The following PCDH15 variants were observed in gnomAD, a reference collection of about 807,000 sequenced individuals.
The protein encoded by PCDH15 is protocadherin related 15.
In PCDH15, 129 loss-of-function variants were observed where a neutral mutation model predicts 178.5. The observed-to-expected ratio is 0.72, with a 90% CI of 0.63 to 0.84. PCDH15 has a LOEUF of 0.84. Ranked by LOEUF, PCDH15 falls within the 40% of genes least tolerant of loss-of-function variation. PCDH15 has a pLI of 0.00. For missense variants in PCDH15, 2,230 were observed against 2,099.9 expected (o/e 1.06, Z -1.21); for synonymous variants, 800 against 732.0 (o/e 1.09, Z -1.50).
chr10:54,702,855 A>G (rs2095324607), intron 1 of PCDH15, among the ~76,000 whole-genome samples: 1 of 152,048 alleles, frequency 6.6e-6, no homozygotes, highest in African/African-American at 2.4e-5. Flanking sequence ...CACTGATTCT[A>G]TGAGTCATGC....
intron 3 of PCDH15, among the ~76,000 whole-genome samples, chr10:54,417,761 A>G (rs1476583080): frequency 1.3e-5 from 2 of 152,208 alleles, no homozygotes; most frequent in African/African-American, 2.4e-5. Context: ...TCTAAGTAAC[A>G]AGTACAATAT....
intron 1 of PCDH15, among the ~76,000 whole-genome samples, chr10:55,176,003 A>G (rs942142527): frequency 6.6e-6 from 1 of 152,182 alleles, no homozygotes; most frequent in Admixed American, 6.5e-5. Flanking sequence ...GTTACCGGGT[A>G]CAGATAGTCT....
intron 1 of PCDH15, among the ~76,000 whole-genome samples, chr10:54,697,493 C>T (rs1010549048): frequency 4.1e-5 from 6 of 146,194 alleles, no homozygotes; most frequent in South Asian, 2.1e-4. Flanking sequence ...TTATGTATAT[C>T]GCTATGCTTA....
chr10:54,792,615 G>A (rs1247693127), intron 1 of PCDH15, among the ~76,000 whole-genome samples: 1 of 151,868 alleles, frequency 6.6e-6, no homozygotes, highest in Non-Finnish European at 1.5e-5. Flanking sequence ...TTCAAGCTGG[G>A]ACGTGAGTCC....
intron 1 of PCDH15, among the ~76,000 whole-genome samples, chr10:54,746,001 T>C (rs1036279973): frequency 6.6e-6 from 1 of 152,194 alleles, no homozygotes; most frequent in Non-Finnish European, 1.5e-5. Flanking sequence ...GATAAATACT[T>C]AAAAATTTAC....
chr10:55,155,907 A>C (rs544270404), intron 2 of PCDH15, among the ~76,000 whole-genome samples: 1 of 152,274 alleles, frequency 6.6e-6, no homozygotes, highest in Admixed American at 6.6e-5. Flanking sequence ...GTACTTCAAT[A>C]GAGATATTTT....
intron 2 of PCDH15, among the ~76,000 whole-genome samples, chr10:55,613,851 G>GA (rs1246925047): frequency 1.3e-5 from 2 of 152,092 alleles, no homozygotes; most frequent in Non-Finnish European, 2.9e-5. Context: ...AGTAATGTCG[G>GA]TAATCCCAGC....
At chr10:55,547,950 A>AGAGAGAGAGAGAGG (rs1296279284) in intron 2 of PCDH15, among the ~76,000 whole-genome samples, 1 of 147,632 alleles carries the variant, frequency 6.8e-6, no homozygotes, top group Non-Finnish European at 1.5e-5. Flanking sequence ...AGAGAGAGAG[A>AGAGAGAGAGAGAGG]GACAGGGACA....
chr10:53,969,114 A>G (rs1187624673), intron 21 of PCDH15, among the ~76,000 whole-genome samples: 1 of 152,192 alleles, frequency 6.6e-6, no homozygotes, highest in Non-Finnish European at 1.5e-5. Context: ...CCTTGAAAAA[A>G]GATTAGACAA....
intron 2 of PCDH15, among the ~76,000 whole-genome samples, chr10:55,448,084 T>C (rs1013407481): frequency 6.6e-6 from 1 of 151,986 alleles, no homozygotes; most frequent in African/African-American, 2.4e-5. Flanking sequence ...TAAATCTGGA[T>C]ACATATTACT....
chr10:54,822,866 A>AT (rs1453901630), intron 3 of PCDH15, among the ~76,000 whole-genome samples: 1 of 151,762 alleles, frequency 6.6e-6, no homozygotes, highest in Non-Finnish European at 1.5e-5. Context: ...GATAAAACGC[A>AT]TTTTAATATA....
chr10:55,139,618 T>G (rs1233944869), intron 2 of PCDH15, among the ~76,000 whole-genome samples: 1 of 152,056 alleles, frequency 6.6e-6, no homozygotes, highest in African/African-American at 2.4e-5. Flanking sequence ...TTGTTCTATT[T>G]TTATGTTTTT....
intron 2 of PCDH15, among the ~76,000 whole-genome samples, chr10:55,622,186 C>CTATAAATATATAGAATATAT (rs1837420595): frequency 1.2e-5 from 1 of 81,586 alleles, no homozygotes; most frequent in African/African-American, 5.1e-5. Flanking sequence ...TATATATATA[C>CTATAAATATATAGAATATAT]ATTTTATGTA....
chr10:54,096,075 T>C (rs2136106549), intron 15 of PCDH15, among the ~76,000 whole-genome samples: 1 of 152,286 alleles, frequency 6.6e-6, no homozygotes, highest in Non-Finnish European at 1.5e-5. Flanking sequence ...TAATAAAATC[T>C]TAAGCTTAAA....
At chr10:54,535,701 C>A in intron 2 of PCDH15, among the ~76,000 whole-genome samples, 1 of 111,800 alleles carries the variant, frequency 8.9e-6, no homozygotes, top group Non-Finnish European at 1.7e-5. Context: ...CAGAGCGAGA[C>A]TCCACCTCAA....
chr10:54,854,617 T>A (rs943960582), intron 3 of PCDH15, among the ~76,000 whole-genome samples: 30 of 152,210 alleles, frequency 2.0e-4, no homozygotes, highest in Admixed American at 1.2e-3. Flanking sequence ...CAGCTGATCA[T>A]CCTGACATCT....
In PCDH15 at chr10:55,448,500, G is replaced by A. The variant is rs117660542; in HGVS notation, c.-156+179125C>T. On this transcript the variant is annotated intron_variant, in intron 2 of 5. Coordinates refer to the PCDH15 transcript ENST00000613346. The stretch of plus-strand genomic sequence containing the variant: ...AATATGGGGCCCGTGAATAATTACT[G>A]CAGCAGACAAAAACACAATTTTTTT... Among the ~76,000 whole-genome samples, 10 of 151,984 alleles carry A rather than the reference G, an allele frequency of 6.6e-5. No individual in the cohort carries two copies. In the East Asian group the frequency reaches 1.9e-3, roughly 29 times the overall value.
At chr10:54,852,855 A>AAAAT (rs1554806693) in intron 3 of PCDH15, among the ~76,000 whole-genome samples, 39 of 147,236 alleles carry the variant, frequency 2.6e-4, no homozygotes, top group African/African-American at 9.3e-4. Context: ...TCTGTCTCAA[A>AAAAT]AAAATAAAAT....
chr10:54,995,633 C>T lies in PCDH15; in HGVS notation c.-79-98133G>A, dbSNP rs558396538. On this transcript the variant is annotated intron_variant, in intron 2 of 5. Coordinates refer to the PCDH15 transcript ENST00000458638. Reference sequence around the variant, plus strand: ...AATAAACATATAAATTAACCCTCCCCCCCACGCCCCAAACACACACACACA... The same window carrying T: ...AATAAACATATAAATTAACCCTCCCTCCCACGCCCCAAACACACACACACA... Among the ~76,000 whole-genome samples the T allele has an allele frequency of 1.2e-4, 18 of 151,106 alleles. No homozygotes were observed. The South Asian group carries it at 3.8e-3, about 32-fold the overall frequency.
Sources: gnomAD v4.1 joint callset for allele counts (sites outside exome capture counted in the v4.1 genomes callset) on GRCh38, gnomAD v4.1.1 for gene constraint, MANE v1.5 for transcripts, NCBI Gene and HGNC (gene_info 2026-07-23, HGNC 2026-07-21) for gene names.